TM9SF3: variants seen among roughly 807,000 people sequenced by gnomAD.
TM9SF3 encodes the protein transmembrane 9 superfamily member 3, also known as SM-11044-binding protein.
TM9SF3 carries 14 observed loss-of-function variants against 78.6 expected under a neutral mutation model. That is an observed-to-expected ratio of 0.18 (90% confidence interval 0.12 to 0.28). TM9SF3 has a LOEUF of 0.28. TM9SF3 is among the 10% of genes least tolerant of loss of function. The probability of loss-of-function intolerance (pLI) is 1.00; values close to 1 mark genes in which losing one functional copy is unlikely to be tolerated. For synonymous variants in TM9SF3, 231 were observed against 241.7 expected (o/e 0.96, Z 0.41); for missense variants, 496 against 721.9 (o/e 0.69, Z 3.59).
intron 5 of TM9SF3, among the ~76,000 whole-genome samples, chr10:96,556,446 A>G (rs1848234724): frequency 6.6e-6 from 1 of 152,224 alleles, no homozygotes; most frequent in Admixed American, 6.5e-5. Flanking sequence ...TAAGCGGCAA[A>G]GCATCAGTTT....
chr10:96,521,006 G>T lies in TM9SF3; in HGVS notation c.*1257C>A. The T allele has an allele frequency of 2.5e-6, 1 of 395,732 alleles. No homozygotes were observed. The highest frequency in any genetic ancestry group is 1.3e-4 in the South Asian group (1 of 7,780). The allele number at this position is 395,732 out of a possible 1,614,324, so 24.5% of individuals were successfully genotyped here. On this transcript the variant is annotated 3_prime_UTR_variant, in exon 15 of 15. Transcript: ENST00000371142. ...ACAATTTGGTCAGGAAATTTTATTT[G>T]AACATTCTAAAGCAATAATGCTTTA...
chr10:96,568,061 CTAT>C (rs1452673842), intron 2 of TM9SF3, among the ~76,000 whole-genome samples: 1 of 152,202 alleles, frequency 6.6e-6, no homozygotes, highest in Non-Finnish European at 1.5e-5. Flanking sequence ...AAGGGAAAAT[CTAT>C]TATTATGACA....
At chr10:96,536,640 C>T (rs1041290893) in intron 9 of TM9SF3, among the ~76,000 whole-genome samples, 1 of 152,170 alleles carries the variant, frequency 6.6e-6, no homozygotes, top group Non-Finnish European at 1.5e-5. Context: ...AGTGGATTTT[C>T]TTCTGCCTCT....
chr10:96,569,532 A>G (rs1253775102), intron 2 of TM9SF3, among the ~76,000 whole-genome samples: 1 of 152,222 alleles, frequency 6.6e-6, no homozygotes, highest in Admixed American at 6.5e-5. Flanking sequence ...CTAGCAGTAT[A>G]AACAGTGTAA....
chr10:96,580,465 A>G (rs1022192646), intron 1 of TM9SF3, among the ~76,000 whole-genome samples: 2 of 151,960 alleles, frequency 1.3e-5, no homozygotes, highest in Non-Finnish European at 2.9e-5. Flanking sequence ...ACGGGGTTTC[A>G]CCATGTTAGC....
intron 10 of TM9SF3, 108 bp from the exon 11 acceptor site, chr10:96,530,716 A>G (rs1010689161): frequency 4.9e-6 from 5 of 1,014,288 alleles, no homozygotes; most frequent in Non-Finnish European, 7.1e-6. Context: ...TCTCTAAAGG[A>G]TAGAAACAAA....
chr10:96,579,535 T>C (rs1002833816), intron 1 of TM9SF3, among the ~76,000 whole-genome samples: 1 of 152,196 alleles, frequency 6.6e-6, no homozygotes, highest in Non-Finnish European at 1.5e-5. Context: ...AAACCACATA[T>C]TCCGAAGTTA....
intron 2 of TM9SF3, among the ~76,000 whole-genome samples, chr10:96,574,400 C>A (rs1415271675): frequency 6.6e-6 from 1 of 152,068 alleles, no homozygotes; most frequent in East Asian, 1.9e-4. Context: ...GTTAGAATGG[C>A]GATCATTAAA....
At chr10:96,571,099 T>C (rs1158148373) in intron 2 of TM9SF3, among the ~76,000 whole-genome samples, 5 of 152,078 alleles carry the variant, frequency 3.3e-5, no homozygotes, top group African/African-American at 1.2e-4. Flanking sequence ...GATGACAAAC[T>C]ACTAATAAAG....
chr10:96,525,211 A>G (rs1847824289), intron 14 of TM9SF3, among the ~76,000 whole-genome samples: 1 of 152,060 alleles, frequency 6.6e-6, no homozygotes, highest in Non-Finnish European at 1.5e-5. Flanking sequence ...AATACTCTGA[A>G]GAAAGGATGG....
At chr10:96,575,399 A>T (rs969194525) in intron 2 of TM9SF3, among the ~76,000 whole-genome samples, 1 of 151,210 alleles carries the variant, frequency 6.6e-6, no homozygotes, top group African/African-American at 2.4e-5. Flanking sequence ...ATTACAGGCC[A>T]TGCCACTGTG....
chr10:96,579,817 T>A (rs543454273), intron 1 of TM9SF3, among the ~76,000 whole-genome samples: 20 of 152,232 alleles, frequency 1.3e-4, no homozygotes, highest in African/African-American at 4.8e-4. Context: ...TGATTGTCCC[T>A]GAGAATAAGT....
intron 1 of TM9SF3, among the ~76,000 whole-genome samples, chr10:96,585,499 C>A (rs1478068168): frequency 6.6e-6 from 1 of 152,178 alleles, no homozygotes; most frequent in African/African-American, 2.4e-5. Flanking sequence ...GTCACCAATT[C>A]GAGATTTGTG....
intron 8 of TM9SF3, 96 bp from the exon 9 acceptor site, chr10:96,544,302 T>C: frequency 8.8e-7 from 1 of 1,133,164 alleles, no homozygotes; most frequent in Non-Finnish European, 1.2e-6. Context: ...ATTTAACATC[T>C]TAATAATTTC....
chr10:96,580,215 G>A (rs969610084), intron 1 of TM9SF3, among the ~76,000 whole-genome samples: 7 of 152,152 alleles, frequency 4.6e-5, no homozygotes, highest in Admixed American at 1.3e-4. Context: ...CATCCACGCT[G>A]GCCAAAACGG....
At chr10:96,534,416 ATAGTT>A (rs1410841423) in intron 9 of TM9SF3, among the ~76,000 whole-genome samples, 2 of 152,206 alleles carry the variant, frequency 1.3e-5, no homozygotes, top group African/African-American at 4.8e-5. Context: ...TGTTTTTAAG[ATAGTT>A]TAAGCATTAT....
rs1293450937 is a variant in TM9SF3, at chr10:96,547,963, A to G, written c.986T>C (p.Ile329Thr). Residue 329 changes from isoleucine to threonine, a missense_variant, in exon 8 of 15, where the codon ATA becomes ACA. By Grantham distance (89) the Ile-to-Thr change is moderately conservative. Coordinates refer to ENST00000371142, the MANE Select transcript of TM9SF3 (RefSeq NM_020123.4). Reference protein sequence around the residue: ...TERGSMLSTAIFVYAATSPVN... With the variant: ...TERGSMLSTATFVYAATSPVN... ...TGGAGACGTAGCAGCATAGACAAAT[A>G]TGGCTGTACTGAGCATTGATCCCCT... 2 of 1,612,570 alleles carry G rather than the reference A, an allele frequency of 1.2e-6. No homozygotes were observed. Among genetic ancestry groups the G allele is most frequent in the East Asian group, 2.2e-5 (1 of 44,828 alleles).
At chr10:96,571,508 A>G (rs993480204) in intron 2 of TM9SF3, among the ~76,000 whole-genome samples, 3 of 152,196 alleles carry the variant, frequency 2.0e-5, no homozygotes, top group Non-Finnish European at 4.4e-5. Flanking sequence ...CCATCCCCCC[A>G]GTCCCTTTTC....
At chr10:96,573,304 G>A (rs1239339012) in intron 2 of TM9SF3, among the ~76,000 whole-genome samples, 2 of 152,118 alleles carry the variant, frequency 1.3e-5, no homozygotes, top group Non-Finnish European at 2.9e-5. Flanking sequence ...AATCTCTAAG[G>A]TGCATCCTAT....
Sources: allele counts gnomAD v4.1 joint callset (sites outside exome capture counted in the v4.1 genomes callset), GRCh38; gene constraint gnomAD v4.1.1; transcripts MANE v1.5; gene names NCBI Gene and HGNC (gene_info 2026-07-23, HGNC 2026-07-21).